Variants in SLC16A10 observed in about 807,000 individuals in gnomAD.
SLC16A10 encodes monocarboxylate transporter 10.
In SLC16A10, 27 loss-of-function variants were observed where a neutral mutation model predicts 40.0. The ratio of observed to expected loss-of-function variants is 0.67; its 90% CI spans 0.50 to 0.93. The LOEUF (loss-of-function observed/expected upper bound fraction) is 0.93. SLC16A10 is among the 40% of genes least tolerant of loss of function. SLC16A10 has a pLI of 0.00. For synonymous variants in SLC16A10, 213 were observed against 249.8 expected, an observed-to-expected ratio of 0.85 and a Z score of 1.39; for missense variants, 529 against 658.2, an observed-to-expected ratio of 0.80 and a Z score of 2.15.
chr6:111,227,241 A>G lies in SLC16A10; in HGVS notation c.*5006A>G, dbSNP rs1562440644. 6.6e-6 allele frequency: 1 copy of G among 152,290 alleles called. No homozygotes were observed. 9.4% of individuals were successfully genotyped at this position (152,290 alleles called of 1,614,324 possible). A position where few individuals can be genotyped will look rare whatever the true frequency, so the allele number is the denominator to read the frequency against. ...AAGAATGGTTCTGGAGCAAATAATA[A>G]CAAGGTAGACAAGCAGGCCCTGGGC... On this transcript the variant is annotated 3_prime_UTR_variant, in exon 6 of 6. Transcript: ENST00000368851.
chr6:111,132,542 A>G (rs532071039), intron 1 of SLC16A10, among the ~76,000 whole-genome samples: 2 of 152,366 alleles, frequency 1.3e-5, no homozygotes, highest in Admixed American at 1.3e-4. Flanking sequence ...TAGAAAAATA[A>G]CTTTAGAGGA....
Position 111,120,401 on chromosome 6 carries a change from A to G in SLC16A10, c.343+32306A>G, listed in dbSNP as rs1583313317. Among the ~76,000 whole-genome samples, 3 of 152,226 alleles carry G rather than the reference A, an allele frequency of 2.0e-5. No individual in the cohort carries two copies. The East Asian group carries it at 5.8e-4, about 29-fold the overall frequency. On this transcript the variant is annotated intron_variant, in intron 1 of 5. Transcript: ENST00000368851. ...TTTTATAGTTGAGTTTCTACACAAT[A>G]TAACATTTTATAACTTAAATGGAAG... is the stretch of plus-strand genomic sequence containing the variant.
At chr6:111,209,530 A>C (rs772931071) in intron 4 of SLC16A10, among the ~76,000 whole-genome samples, 1 of 152,048 alleles carries the variant, frequency 6.6e-6, no homozygotes, top group African/African-American at 2.4e-5. Context: ...TGTTTTTGCC[A>C]TGTTGTTTGT....
chr6:111,113,019 A>G (rs1404415113), intron 1 of SLC16A10, among the ~76,000 whole-genome samples: 1 of 152,190 alleles, frequency 6.6e-6, no homozygotes, highest in Non-Finnish European at 1.5e-5. Context: ...AACCAATAAA[A>G]TGATTTGGGG....
At chr6:111,208,461 C>T (rs1197324687) in intron 4 of SLC16A10, among the ~76,000 whole-genome samples, 1 of 151,906 alleles carries the variant, frequency 6.6e-6, no homozygotes, top group Non-Finnish European at 1.5e-5. Flanking sequence ...TCCTGTAATC[C>T]CAGCTACTCA....
Position 111,222,107 on chromosome 6 carries a change from A to G in SLC16A10, c.1420A>G (p.Ser474Gly). The change falls in exon 6 of 6, where the codon AGT becomes GGT. Residue 474 changes from serine (S) to glycine (G), a missense_variant. Coordinates refer to ENST00000368851, the MANE Select transcript of SLC16A10 (RefSeq NM_018593.5). ...GCTTTGTTTTATCCCGTGGATCCATAGTAAGAAGCAAAGAGAGATCAGTAA... is the reference window on the plus strand; with the variant it reads ...GCTTTGTTTTATCCCGTGGATCCATGGTAAGAAGCAAAGAGAGATCAGTAA... ...AVLCFIPWIH[S>G]KKQREISKTT... is the part of the protein sequence containing the mutation. The G allele has an allele frequency of 6.2e-7, 1 of 1,608,214 alleles. No homozygotes were observed. Among genetic ancestry groups the G allele is most frequent in the Non-Finnish European group, 8.5e-7 (1 of 1,178,632 alleles).
At chr6:111,135,035 G>A (rs559809028) in intron 1 of SLC16A10, among the ~76,000 whole-genome samples, 2 of 152,274 alleles carry the variant, frequency 1.3e-5, no homozygotes, top group East Asian at 1.9e-4. Flanking sequence ...CAGCCACTAA[G>A]TTGTGACTGG....
In SLC16A10 at chr6:111,087,851, G is replaced by A; in HGVS notation, c.99G>A (p.Pro33=). The change falls in exon 1 of 6, where the codon CCG becomes CCA. Residue 33 remains proline, a synonymous_variant. Coordinates refer to ENST00000368851, the MANE Select transcript of SLC16A10 (RefSeq NM_018593.5). ...CGGGGGCCGCTCCGCCGCCCGGCCC[G>A]GGACCCTCGGACAGCCCCGAGGCGG... ...APTGAAPPPG[P]GPSDSPEAAV... 2 of 1,423,000 alleles carry A rather than the reference G, an allele frequency of 1.4e-6. No homozygotes were observed. The highest frequency in any genetic ancestry group is 1.5e-5 in the African/African-American group (1 of 65,736). The allele number at this position is 1,423,000 out of a possible 1,614,324, so 88.1% of individuals were successfully genotyped here.
At chr6:111,166,574 A>G (rs779118544) in intron 1 of SLC16A10, among the ~76,000 whole-genome samples, 1 of 152,250 alleles carries the variant, frequency 6.6e-6, no homozygotes, top group Non-Finnish European at 1.5e-5. Context: ...TGGAGTGGAA[A>G]TGCAGGTTGG....
intron 4 of SLC16A10, 64 bp downstream of exon 4, chr6:111,206,799 T>C: frequency 6.5e-7 from 1 of 1,533,618 alleles, no homozygotes; most frequent in South Asian, 1.2e-5. Context: ...TCTCATTAAA[T>C]GTACTTACAT....
chr6:111,145,159 A>T (rs950138923), intron 1 of SLC16A10, among the ~76,000 whole-genome samples: 1 of 151,430 alleles, frequency 6.6e-6, no homozygotes, highest in Non-Finnish European at 1.5e-5. Context: ...TTAAAAGAAA[A>T]GTAAGGGCCA....
At position 111,214,684 on chromosome 6, in the gene SLC16A10, A is replaced by G. The variant is rs1367176953; in HGVS notation, c.1087-4130A>G. Among the ~76,000 whole-genome samples, 11 of 152,374 alleles carry G rather than the reference A, an allele frequency of 7.2e-5. No individual in the cohort carries two copies. The South Asian group carries it at 1.9e-3, about 26-fold the overall frequency. On this transcript the variant is annotated intron_variant, in intron 4 of 5. Coordinates refer to ENST00000368851, the MANE Select transcript of SLC16A10 (RefSeq NM_018593.5). The stretch of plus-strand genomic sequence containing the variant: ...TTAAAGAATAGATGTGTAAATTTCT[A>G]TAAACACAAGTCTTAAAGGAAAATG...
rs955217488 is a variant in SLC16A10 at position 111,087,726 on chromosome 6, C to A, written c.-27C>A. Reference sequence around the variant, plus strand: ...GTAACTCGCGTCCCTCGCGCTTCTCCGGCGCCTGAGGGGCCCGCCTCGGGC... The same window carrying A: ...GTAACTCGCGTCCCTCGCGCTTCTCAGGCGCCTGAGGGGCCCGCCTCGGGC... On this transcript the variant is annotated 5_prime_UTR_variant, in exon 1 of 6. Transcript: ENST00000368851. The A allele has an allele frequency of 2.4e-5, 28 of 1,178,006 alleles. No individual in the cohort carries two copies. Among genetic ancestry groups the A allele is most frequent in the Admixed American group, 1.3e-4 (3 of 22,566 alleles). 73.0% of individuals were successfully genotyped at this position (1,178,006 alleles called of 1,614,324 possible). A position where few individuals can be genotyped will look rare whatever the true frequency, so the allele number is the denominator to read the frequency against.
chr6:111,089,601 A>T (rs1030552385), intron 1 of SLC16A10, among the ~76,000 whole-genome samples: 4 of 152,222 alleles, frequency 2.6e-5, no homozygotes, highest in African/African-American at 9.6e-5. Flanking sequence ...AAGTGTTAAA[A>T]ATGTAGTAAC....
chr6:111,142,038 T>C (rs2114503951), intron 1 of SLC16A10, among the ~76,000 whole-genome samples: 1 of 138,120 alleles, frequency 7.2e-6, no homozygotes, highest in South Asian at 2.3e-4. Flanking sequence ...TCTTCTTCAA[T>C]ATCATTTTCT....
intron 1 of SLC16A10, among the ~76,000 whole-genome samples, chr6:111,111,633 T>TA (rs1771387776): frequency 1.3e-5 from 2 of 152,328 alleles, no homozygotes; most frequent in East Asian, 3.9e-4. Context: ...TCGTTATATA[T>TA]CCTTTAACCA....
intron 1 of SLC16A10, among the ~76,000 whole-genome samples, chr6:111,141,769 A>T (rs1299693295): frequency 6.6e-6 from 1 of 152,252 alleles, no homozygotes; most frequent in Non-Finnish European, 1.5e-5. Context: ...TATATAAGTA[A>T]AACTATAAAG....
At chr6:111,100,953 TCTCTCC>T (rs754241220) in intron 1 of SLC16A10, among the ~76,000 whole-genome samples, 3,377 of 67,820 alleles carry the variant, frequency 0.05, 62 homozygotes, top group South Asian at 0.079. Flanking sequence ...TCTCGCTCTT[TCTCTCC>T]CTCTCTCTCT....
Position 111,206,624 on chromosome 6 carries a change from A to C in SLC16A10, c.975A>C (p.Glu325Asp), listed in dbSNP as rs373761089. 43 of 1,614,110 alleles carry C rather than the reference A, an allele frequency of 2.7e-5. No homozygotes were observed. The South Asian group carries it at 3.6e-4, about 14-fold the overall frequency. ...MKHVNERFQD[E>D]KNKEVVLMCI... is the part of the protein sequence containing the mutation. ...ATGTAAATGAAAGATTTCAAGATGAAAAAAATAAAGAGGTTGTTCTCATGT... is the reference window on the plus strand; with the variant it reads ...ATGTAAATGAAAGATTTCAAGATGACAAAAATAAAGAGGTTGTTCTCATGT... The change falls in exon 4 of 6, where the codon GAA becomes GAC. Residue 325 changes from glutamate to aspartate, a missense_variant. Glu to Asp is a conservative substitution (Grantham distance 45, BLOSUM62 2). Coordinates refer to ENST00000368851, the MANE Select transcript of SLC16A10 (RefSeq NM_018593.5).
Sources: allele counts gnomAD v4.1 joint callset (sites outside exome capture counted in the v4.1 genomes callset), GRCh38; gene constraint gnomAD v4.1.1; transcripts MANE v1.5; gene names NCBI Gene and HGNC (gene_info 2026-07-23, HGNC 2026-07-21).